CBX2: variants seen among roughly 807,000 people sequenced by gnomAD.
The protein encoded by CBX2 is chromobox 2.
CBX2 carries 11 observed loss-of-function variants against 21.0 expected under a neutral mutation model. The ratio of observed to expected loss-of-function variants is 0.52; its 90% CI spans 0.33 to 0.87. The LOEUF (loss-of-function observed/expected upper bound fraction) is 0.87, where lower values mean the gene tolerates loss of function less well. Ranked by LOEUF, CBX2 falls within the 40% of genes least tolerant of loss-of-function variation. The pLI is 0.02. For synonymous variants in CBX2, 364 were observed against 304.6 expected (o/e 1.19, Z -2.03); for missense variants, 746 against 724.3 (o/e 1.03, Z -0.34).
chr17:79,785,125 C>T lies in CBX2; in HGVS notation c.*83C>T. The T allele has an allele frequency of 2.4e-6, 3 of 1,244,178 alleles. No homozygotes were observed. Among genetic ancestry groups the T allele is most frequent in the Non-Finnish European group, 3.5e-6 (3 of 862,646 alleles). The allele number at this position is 1,244,178 out of a possible 1,614,324, so 77.1% of individuals were successfully genotyped here. Reference sequence around the variant, plus strand: ...TGGCTAAGTGACTCCCAGCCCAAGCCCCCTCAAGAGTCTGGGTCGGGGGAG... The same window carrying T: ...TGGCTAAGTGACTCCCAGCCCAAGCTCCCTCAAGAGTCTGGGTCGGGGGAG... On this transcript the variant is annotated 3_prime_UTR_variant, in exon 5 of 5. Transcript: ENST00000310942.
upstream of CBX2, among the ~76,000 whole-genome samples, chr17:79,777,331 C>G (rs1906793008): frequency 6.6e-6 from 1 of 152,220 alleles, no homozygotes; most frequent in South Asian, 2.1e-4. Context: ...AACAGCCTTG[C>G]AAACCGCCCC....
rs1907710335 is a variant in CBX2, at chr17:79,787,376, G to C, written c.*2334G>C. ...TGATTCGGTGCCTTTCTGTTTACCA[G>C]CTACTTCAATCCCAAAGTTTGAATC... On this transcript the variant is annotated 3_prime_UTR_variant, in exon 5 of 5. Transcript: ENST00000310942. 6.6e-6 allele frequency: 1 copy of C among 152,664 alleles called. No individual in the cohort carries two copies. The highest frequency in any genetic ancestry group is 2.4e-5 in the African/African-American group (1 of 41,456). 9.5% of individuals were successfully genotyped at this position (152,664 alleles called of 1,614,324 possible). A position where few individuals can be genotyped will look rare whatever the true frequency, so the allele number is the denominator to read the frequency against.
Position 79,779,393 on chromosome 17 carries a change from C to T in CBX2, c.148C>T (p.Leu50=), listed in dbSNP as rs782017451. ...HNSWEPEENI[L]DPRLLLAFQK... Reference sequence around the variant, plus strand: ...CAGCTGGGAGCCGGAGGAGAACATCCTGGACCCGAGGCTGCTCCTGGCCTT... The same window carrying T: ...CAGCTGGGAGCCGGAGGAGAACATCTTGGACCCGAGGCTGCTCCTGGCCTT... Residue 50 remains leucine, a synonymous_variant, in exon 3 of 5, where the codon CTG becomes TTG. Coordinates refer to ENST00000310942, the MANE Select transcript of CBX2 (RefSeq NM_005189.3). 5 of 1,613,922 alleles carry T rather than the reference C, an allele frequency of 3.1e-6. No individual in the cohort carries two copies. The highest frequency in any genetic ancestry group is 4.5e-5 in the East Asian group (2 of 44,882).
chr17:79,778,257 G>A lies in CBX2; in HGVS notation c.22G>A (p.Gly8Ser). 6.6e-7 allele frequency: 1 copy of A among 1,516,570 alleles called. No individual in the cohort carries two copies. Among genetic ancestry groups the A allele is most frequent in the Non-Finnish European group, 8.8e-7 (1 of 1,137,776 alleles). 93.9% of individuals were successfully genotyped at this position (1,516,570 alleles called of 1,614,324 possible). A position where few individuals can be genotyped will look rare whatever the true frequency, so the allele number is the denominator to read the frequency against. The change falls in exon 1 of 5, where the codon GGC becomes AGC. Residue 8 changes from glycine to serine, a missense_variant. By Grantham distance (56) the Gly-to-Ser change is moderately conservative. This residue lies in a region of CBX2 where 45 missense variants were observed against 73.6 expected (regional missense o/e 0.61). Transcript: ENST00000310942. This position sits in a 1 kb window ranked among gnomAD's most constrained non-coding sequence, Gnocchi z 4.8. ...CAGCATGGAGGAGCTGAGCAGCGTG[G>A]GCGAGCAGGTCTTCGCCGCCGAGTG... is the stretch of plus-strand genomic sequence containing the variant. Reference protein sequence around the residue: MEELSSVGEQVFAAECIL... With the variant: MEELSSVSEQVFAAECIL...
At chr17:79,782,156 A>G in intron 4 of CBX2, 3 of 1,612,730 alleles carry the variant, frequency 1.9e-6, no homozygotes, top group East Asian at 2.2e-5. Flanking sequence ...GTAGGTGCTC[A>G]TAGGATTGCC....
At chr17:79,783,380 G>T (rs1555830856) in intron 4 of CBX2, among the ~76,000 whole-genome samples, 1 of 151,986 alleles carries the variant, frequency 6.6e-6, no homozygotes, top group Non-Finnish European at 1.5e-5. Context: ...CTGGGAACAG[G>T]CAGTGGAGGT....
rs535019171 is a variant in CBX2 at position 79,778,668 on chromosome 17, G to T, written c.116+241G>T. On this transcript the variant is annotated intron_variant, in intron 2 of 4. Transcript: ENST00000310942. The surrounding 1 kb of genome is among the most constrained non-coding windows in gnomAD (Gnocchi z 4.8). ...CGGCCCCCCGCGCCAGAACCTCCTCGGCTGCCGCGCCGCGCTCCCCCCAAC... is the reference window on the plus strand; with the variant it reads ...CGGCCCCCCGCGCCAGAACCTCCTCTGCTGCCGCGCCGCGCTCCCCCCAAC... Among the ~76,000 whole-genome samples the T allele has an allele frequency of 6.9e-4, 105 of 151,918 alleles. No individual in the cohort carries two copies. The highest frequency in any genetic ancestry group is 2.3e-3 in the African/African-American group (94 of 41,468).
intron 2 of CBX2, 85 bp from the exon 3 acceptor site, chr17:79,779,277 G>T (rs913429691): frequency 7.7e-6 from 10 of 1,303,290 alleles, no homozygotes; most frequent in African/African-American, 1.4e-5. Context: ...GTCGAGGAGC[G>T]GTGAGGGCGA....
upstream of CBX2, among the ~76,000 whole-genome samples, chr17:79,777,584 C>T (rs782324899): frequency 2.0e-5 from 3 of 152,170 alleles, no homozygotes; most frequent in Non-Finnish European, 4.4e-5. Context: ...CTCCCCCGGA[C>T]TTCGTCTTCC....
chr17:79,782,318 G>A (rs1907287031), intron 4 of CBX2: 3 of 1,500,444 alleles, frequency 2.0e-6, no homozygotes, highest in Admixed American at 2.1e-5. Flanking sequence ...GGCAGTGTGG[G>A]CTGATGATGT....
chr17:79,779,180 G>T (rs1906971491), intron 2 of CBX2, among the ~76,000 whole-genome samples, 182 bp from the exon 3 acceptor site: 1 of 152,216 alleles, frequency 6.6e-6, no homozygotes, highest in Admixed American at 6.5e-5. Flanking sequence ...TAGAGTGCTG[G>T]CTTGGTGGGG....
intron 4 of CBX2, among the ~76,000 whole-genome samples, chr17:79,783,307 C>T (rs1907372753): frequency 6.6e-6 from 1 of 152,200 alleles, no homozygotes; most frequent in Admixed American, 6.5e-5. Flanking sequence ...GGTCTGGAAG[C>T]CACAGGAGTT....
rs1354824523 is a variant in CBX2, at chr17:79,784,472, C to G, written c.1029C>G (p.Pro343=). ...ASRVPAGCPG[P]QPAPTQELSL... is the part of the protein sequence containing the mutation. ...GGGTGCCTGCTGGGTGCCCAGGCCC[C>G]CAGCCAGCACCCACCCAGGAGCTGA... The change falls in exon 5 of 5, where the codon CCC becomes CCG. Residue 343 remains proline, a synonymous_variant. Coordinates refer to ENST00000310942, the MANE Select transcript of CBX2 (RefSeq NM_005189.3). This position sits in a 1 kb window ranked among gnomAD's most constrained non-coding sequence, Gnocchi z 5.9. The G allele has an allele frequency of 6.2e-7, 1 of 1,612,518 alleles. No homozygotes were observed. Among genetic ancestry groups the G allele is most frequent in the East Asian group, 2.2e-5 (1 of 44,854 alleles).
Position 79,778,175 on chromosome 17 carries a change from C to A in CBX2, c.-61C>A, listed in dbSNP as rs1418092209. On this transcript the variant is annotated 5_prime_UTR_variant, in exon 1 of 5. Coordinates refer to ENST00000310942, the MANE Select transcript of CBX2 (RefSeq NM_005189.3). The surrounding 1 kb of genome is among the most constrained non-coding windows in gnomAD (Gnocchi z 4.8). ...TGCTTTGTGTGCTGCCGGCGGGGCG[C>A]GCGGCGGTCCGGGCGGGTGACTGGC... 2 of 1,002,988 alleles carry A rather than the reference C, an allele frequency of 2.0e-6. No individual in the cohort carries two copies. Among genetic ancestry groups the A allele is most frequent in the Admixed American group, 4.8e-5 (1 of 20,788 alleles). 62.1% of individuals were successfully genotyped at this position (1,002,988 alleles called of 1,614,324 possible). A position where few individuals can be genotyped will look rare whatever the true frequency, so the allele number is the denominator to read the frequency against.
rs1174424818 is a variant in CBX2, at chr17:79,786,514, G to A, written c.*1472G>A. On this transcript the variant is annotated 3_prime_UTR_variant, in exon 5 of 5. Transcript: ENST00000310942. ...TCTAGGTGGTCACGTCTGGGAGCTA[G>A]CTTGTATGGCTTCTGACCAGTATCA... 6.5e-6 allele frequency: 1 copy of A among 152,690 alleles called. No individual in the cohort carries two copies. 9.5% of individuals were successfully genotyped at this position (152,690 alleles called of 1,614,324 possible). A position where few individuals can be genotyped will look rare whatever the true frequency, so the allele number is the denominator to read the frequency against.
In CBX2 at chr17:79,779,533, G is replaced by C. The variant is rs558965663; in HGVS notation, c.182+106G>C. The C allele has an allele frequency of 7.7e-5, 77 of 996,068 alleles. No homozygotes were observed. In the African/African-American group the frequency reaches 1.1e-3, roughly 15 times the overall value. The allele number at this position is 996,068 out of a possible 1,614,324, so 61.7% of individuals were successfully genotyped here. ...CCGGGAGGCTGGAGCTGGGGCTGTG[G>C]TCTGAGGTCCCTTAGCAAGATTGTG... On this transcript the variant is annotated intron_variant, in intron 3 of 4. Coordinates refer to ENST00000310942, the MANE Select transcript of CBX2 (RefSeq NM_005189.3).
Position 79,778,363 on chromosome 17 carries a change from G to A in CBX2, c.73-21G>A, listed in dbSNP as rs374697416. ...CCGCCCGCTGTCCGTCTGGCTCACG[G>A]CCCCTCTTCTCTCCCCGCAGGGCAA... On this transcript the variant is annotated intron_variant, in intron 1 of 4. Coordinates refer to ENST00000310942, the MANE Select transcript of CBX2 (RefSeq NM_005189.3). This position sits in a 1 kb window ranked among gnomAD's most constrained non-coding sequence, Gnocchi z 4.8. 32 of 1,583,880 alleles carry A rather than the reference G, an allele frequency of 2.0e-5. No homozygotes were observed. The African/African-American group carries it at 3.5e-4, about 17-fold the overall frequency.
intron 4 of CBX2, chr17:79,782,508 T>G: frequency 9.4e-6 from 11 of 1,170,988 alleles, no homozygotes; most frequent in East Asian, 5.5e-5. Flanking sequence ...GTGGCTTTGA[T>G]TCCCTCCTCC....
At chr17:79,783,138 G>A (rs1417235525) in intron 4 of CBX2, among the ~76,000 whole-genome samples, 1 of 152,242 alleles carries the variant, frequency 6.6e-6, no homozygotes, top group Non-Finnish European at 1.5e-5. Context: ...CCCCTTGAAA[G>A]CTGATGGTGG....
Sources: gnomAD v4.1 joint callset for allele counts (sites outside exome capture counted in the v4.1 genomes callset) on GRCh38, gnomAD v4.1.1 for gene constraint, gnomAD v4.1.1 regional missense constraint, Gnocchi (gnomAD v3.1) non-coding constraint, MANE v1.5 for transcripts, NCBI Gene and HGNC (gene_info 2026-07-23, HGNC 2026-07-21) for gene names.